SLC4A7: variants seen among roughly 807,000 people sequenced by gnomAD.
SLC4A7 encodes the protein sodium bicarbonate cotransporter 3.
SLC4A7 carries 51 observed loss-of-function variants against 137.6 expected under a neutral mutation model. The ratio of observed to expected loss-of-function variants is 0.37; its 90% CI spans 0.30 to 0.47. SLC4A7 has a LOEUF of 0.47. Among genes scored for constraint, SLC4A7 ranks in the 20% least tolerant of loss-of-function variants. The pLI is 1.00. For missense variants in SLC4A7, 1,247 were observed against 1,525.4 expected, an observed-to-expected ratio of 0.82 and a Z score of 3.04; for synonymous variants, 542 against 518.6, an observed-to-expected ratio of 1.05 and a Z score of -0.61.
At chr3:27,392,105 C>T (rs1419095536) in intron 20 of SLC4A7, among the ~76,000 whole-genome samples, 1 of 152,114 alleles carries the variant, frequency 6.6e-6, no homozygotes, top group Non-Finnish European at 1.5e-5. Flanking sequence ...TATCAGATTG[C>T]TGTAAAGATT....
At chr3:27,455,752 C>G (rs901594677) in intron 1 of SLC4A7, among the ~76,000 whole-genome samples, 10 of 151,864 alleles carry the variant, frequency 6.6e-5, no homozygotes, top group Non-Finnish European at 7.4e-5. Flanking sequence ...GTGGAGCATG[C>G]CTTTAATTCC....
At chr3:27,397,441 A>G (rs1410842965) in intron 18 of SLC4A7, among the ~76,000 whole-genome samples, 1 of 150,990 alleles carries the variant, frequency 6.6e-6, no homozygotes, top group Non-Finnish European at 1.5e-5. Context: ...TACCACAAAT[A>G]TTTTCATTCA....
intron 1 of SLC4A7, among the ~76,000 whole-genome samples, chr3:27,466,254 A>G (rs1368844713): frequency 6.6e-6 from 1 of 151,468 alleles, no homozygotes. Context: ...GATCGAGACC[A>G]TCCTGGCTAA....
chr3:27,431,515 T>C lies in SLC4A7; in HGVS notation c.933A>G (p.Pro311=). 6.2e-7 allele frequency: 1 copy of C among 1,614,118 alleles called. No individual in the cohort carries two copies. Among genetic ancestry groups the C allele is most frequent in the Non-Finnish European group, 8.5e-7 (1 of 1,179,996 alleles). The change falls in exon 7 of 26, where the codon CCA becomes CCG. Residue 311 remains proline (P), a synonymous_variant. Coordinates refer to ENST00000454389, the MANE Select transcript of SLC4A7 (RefSeq NM_001321103.2). The part of the protein sequence containing the change: ...GTPAGSRCTT[P]VPTPQNSPPS... Reference sequence around the variant, plus strand: ...GAGGACTGTTTTGAGGGGTGGGTACTGGGGTTGTACACCTTGAGCCTGCAG... The same window carrying C: ...GAGGACTGTTTTGAGGGGTGGGTACCGGGGTTGTACACCTTGAGCCTGCAG...
intron 1 of SLC4A7, among the ~76,000 whole-genome samples, chr3:27,478,204 A>G (rs547166161): frequency 0.18 from 19,068 of 106,720 alleles, 1,176 homozygotes; most frequent in Middle Eastern, 0.25. Flanking sequence ...AAAATGAGGA[A>G]AAAAAAAAAG....
chr3:27,455,473 G>A (rs767246212), intron 1 of SLC4A7, among the ~76,000 whole-genome samples: 1 of 152,104 alleles, frequency 6.6e-6, no homozygotes, highest in Non-Finnish European at 1.5e-5. Flanking sequence ...TCTGGAAAGG[G>A]AACTGGGTTT....
chr3:27,446,666 C>G (rs997856081), intron 3 of SLC4A7, among the ~76,000 whole-genome samples: 1 of 152,032 alleles, frequency 6.6e-6, no homozygotes, highest in African/African-American at 2.4e-5. Context: ...CCTAGGATAT[C>G]CTAAACTGAA....
At chr3:27,479,927 T>C (rs2059640102) in intron 1 of SLC4A7, among the ~76,000 whole-genome samples, 2 of 152,084 alleles carry the variant, frequency 1.3e-5, no homozygotes, top group South Asian at 2.1e-4. Context: ...CACTTTAAGA[T>C]CATATTTGTG....
At chr3:27,404,237 G>A (rs540155785) in intron 14 of SLC4A7, among the ~76,000 whole-genome samples, 28 of 152,218 alleles carry the variant, frequency 1.8e-4, no homozygotes, top group African/African-American at 5.5e-4. Flanking sequence ...GTGTGGTTGC[G>A]GCGCCAGTAA....
At chr3:27,463,624 G>T (rs1467082327) in intron 1 of SLC4A7, among the ~76,000 whole-genome samples, 1 of 152,140 alleles carries the variant, frequency 6.6e-6, no homozygotes, top group East Asian at 1.9e-4. Flanking sequence ...GGGCTCCCAA[G>T]AAAATCTACG....
chr3:27,476,163 C>A (rs1559853894), intron 1 of SLC4A7, among the ~76,000 whole-genome samples: 1 of 151,888 alleles, frequency 6.6e-6, no homozygotes, highest in African/African-American at 2.4e-5. Flanking sequence ...CCCAGTTTTC[C>A]AACAATCAGT....
In SLC4A7 at chr3:27,471,636, T is replaced by G. The variant is rs905356626; in HGVS notation, c.60+12431A>C. 2.0e-5 allele frequency among the ~76,000 whole-genome samples: 3 copies of G among 152,172 alleles called. 1 individual carries two copies. Among genetic ancestry groups the G allele is most frequent in the African/African-American group, 7.2e-5 (3 of 41,438 alleles). On this transcript the variant is annotated intron_variant, in intron 1 of 25. Coordinates refer to ENST00000454389, the MANE Select transcript of SLC4A7 (RefSeq NM_001321103.2). Reference sequence around the variant, plus strand: ...ATCCGCCCACCTCGGCCTCCCAAAGTGCTGAGATTACAGGCGTGAGCCACC... The same window carrying G: ...ATCCGCCCACCTCGGCCTCCCAAAGGGCTGAGATTACAGGCGTGAGCCACC...
At chr3:27,468,329 T>C (rs1013758535) in intron 1 of SLC4A7, among the ~76,000 whole-genome samples, 3 of 152,184 alleles carry the variant, frequency 2.0e-5, no homozygotes, top group African/African-American at 7.2e-5. Flanking sequence ...AGTTGTATAT[T>C]AGGATAAAAT....
rs7650165 is a variant in SLC4A7, at chr3:27,420,949, C to T, written c.1425-162G>A. Among the ~76,000 whole-genome samples the T allele has an allele frequency of 0.21, 32,105 of 151,812 alleles. 3,489 individuals are homozygous for T. The highest frequency in any genetic ancestry group is 0.25 in the Non-Finnish European group (16,880 of 67,910). On this transcript the variant is annotated intron_variant, in intron 9 of 25. Coordinates refer to ENST00000454389, the MANE Select transcript of SLC4A7 (RefSeq NM_001321103.2). Reference sequence around the variant, plus strand: ...ACTGAAAAAAGATGGCAACTCCACCCGGACTAAAGGAAATCAGAAAACTAG... The same window carrying T: ...ACTGAAAAAAGATGGCAACTCCACCTGGACTAAAGGAAATCAGAAAACTAG...
chr3:27,428,010 A>G (rs565560832), intron 7 of SLC4A7, among the ~76,000 whole-genome samples: 37 of 152,326 alleles, frequency 2.4e-4, no homozygotes, highest in African/African-American at 8.4e-4. Flanking sequence ...CTGGTAAAAC[A>G]AGACATGTTC....
chr3:27,448,899 A>T, intron 2 of SLC4A7, 102 bp from the exon 3 acceptor site: 1 of 740,650 alleles, frequency 1.4e-6, no homozygotes, highest in South Asian at 2.8e-5. Flanking sequence ...ATATAAGTTC[A>T]CGTAATTAAC....
intron 3 of SLC4A7, among the ~76,000 whole-genome samples, chr3:27,441,521 G>C (rs139848634): frequency 5.9e-5 from 9 of 151,914 alleles, no homozygotes; most frequent in African/African-American, 2.2e-4. Flanking sequence ...TTTAAGAGAC[G>C]GTATCTGTTG....
intron 11 of SLC4A7, among the ~76,000 whole-genome samples, chr3:27,414,657 T>C (rs770396661): frequency 2.0e-5 from 3 of 152,202 alleles, no homozygotes; most frequent in Non-Finnish European, 4.4e-5. Flanking sequence ...ATCAGAACCC[T>C]TCTGCCAGAT....
At chr3:27,479,970 G>C (rs945763619) in intron 1 of SLC4A7, among the ~76,000 whole-genome samples, 2 of 152,192 alleles carry the variant, frequency 1.3e-5, no homozygotes, top group Non-Finnish European at 2.9e-5. Context: ...GGGAGGAAAA[G>C]AGGAAGAAAA....
Sources: gnomAD v4.1 joint callset for allele counts (sites outside exome capture counted in the v4.1 genomes callset) on GRCh38, gnomAD v4.1.1 for gene constraint, MANE v1.5 for transcripts, NCBI Gene and HGNC (gene_info 2026-07-23, HGNC 2026-07-21) for gene names.